Variants in CENPW observed in about 807,000 individuals in gnomAD.
CENPW encodes the protein cancer-up-regulated gene 2 protein.
A neutral mutation model predicts 11.1 loss-of-function variants in CENPW; 3 were observed. That is an observed-to-expected ratio of 0.27 (90% CI 0.12 to 0.70). The LOEUF is 0.70. Among genes scored for constraint, CENPW ranks in the 30% least tolerant of loss-of-function variants. The pLI is 0.77. For synonymous variants in CENPW, 38 were observed against 42.0 expected (o/e 0.91, Z 0.37); for missense variants, 100 against 105.6 (o/e 0.95, Z 0.23).
chr6:126,344,112 A>G (rs973530061), intron 1 of CENPW, among the ~76,000 whole-genome samples: 7 of 152,208 alleles, frequency 4.6e-5, no homozygotes, highest in Non-Finnish European at 7.3e-5. Flanking sequence ...TGTATTAAGC[A>G]ATGTGTTAAG....
the CENPW span, among the ~76,000 whole-genome samples, chr6:126,418,725 G>A: frequency 6.6e-6 from 1 of 151,780 alleles, no homozygotes; most frequent in African/African-American, 2.4e-5. Context: ...ATCAACTCTG[G>A]GGTTAATATT....
At chr6:126,450,455 G>A in the CENPW span, among the ~76,000 whole-genome samples, 1 of 151,086 alleles carries the variant, frequency 6.6e-6, no homozygotes, top group Non-Finnish European at 1.5e-5. Context: ...ATATTCTGAT[G>A]TCATACAACC....
At chr6:126,408,667 G>C in the CENPW span, among the ~76,000 whole-genome samples, 1 of 152,056 alleles carries the variant, frequency 6.6e-6, no homozygotes, top group African/African-American at 2.4e-5. Flanking sequence ...TATTCTTATT[G>C]ATCTGTTCAG....
chr6:126,468,721 A>G, the CENPW span, among the ~76,000 whole-genome samples: 2 of 152,204 alleles, frequency 1.3e-5, no homozygotes, highest in African/African-American at 4.8e-5. Flanking sequence ...TATTTTAAAA[A>G]TACAGTTAGA....
the CENPW span, among the ~76,000 whole-genome samples, chr6:126,467,507 G>C: frequency 6.6e-6 from 1 of 152,086 alleles, no homozygotes. Flanking sequence ...ATGTCAAAGG[G>C]AAACAAGAGC....
chr6:126,436,938 T>C, the CENPW span, among the ~76,000 whole-genome samples: 161 of 151,976 alleles, frequency 1.1e-3, 1 homozygote, highest in East Asian at 0.03. Flanking sequence ...ATAGTTTACG[T>C]TGGAGAGTTA....
the CENPW span, among the ~76,000 whole-genome samples, chr6:126,366,038 A>C: frequency 6.6e-6 from 1 of 152,202 alleles, no homozygotes; most frequent in African/African-American, 2.4e-5. Flanking sequence ...TACTAGCATT[A>C]AAGTTTAAGG....
the CENPW span, among the ~76,000 whole-genome samples, chr6:126,425,179 T>C: frequency 6.6e-6 from 1 of 152,078 alleles, no homozygotes; most frequent in African/African-American, 2.4e-5. Context: ...AAAAAAGAAA[T>C]GTTTGGAGAA....
At chr6:126,464,178 C>G in the CENPW span, among the ~76,000 whole-genome samples, 1 of 152,158 alleles carries the variant, frequency 6.6e-6, no homozygotes, top group East Asian at 1.9e-4. Flanking sequence ...GAAAAACAAT[C>G]AGTACAACTC....
chr6:126,469,280 A>G, the CENPW span, among the ~76,000 whole-genome samples: 1 of 152,084 alleles, frequency 6.6e-6, no homozygotes, highest in African/African-American at 2.4e-5. Flanking sequence ...CTGAAAGTTT[A>G]AAAGTGTCAG....
the CENPW span, among the ~76,000 whole-genome samples, chr6:126,460,011 G>A: frequency 2.7e-5 from 4 of 150,050 alleles, no homozygotes; most frequent in Non-Finnish European, 5.9e-5. Flanking sequence ...GGGTAATTTT[G>A]TGTTTTTAAT....
the CENPW span, among the ~76,000 whole-genome samples, chr6:126,392,337 A>G: frequency 1.3e-5 from 2 of 151,834 alleles, no homozygotes; most frequent in Non-Finnish European, 3.0e-5. Context: ...GGCATAAAAA[A>G]TACCACTGAT....
At chr6:126,464,046 T>C in the CENPW span, among the ~76,000 whole-genome samples, 2 of 152,104 alleles carry the variant, frequency 1.3e-5, no homozygotes, top group Non-Finnish European at 2.9e-5. Flanking sequence ...TGAACATATA[T>C]GTTATTGTTA....
chr6:126,440,308 A>G, the CENPW span, among the ~76,000 whole-genome samples: 1 of 151,632 alleles, frequency 6.6e-6, no homozygotes, highest in Non-Finnish European at 1.5e-5. Context: ...AGCAATGAAC[A>G]CTGAACTAAA....
At chr6:126,441,323 G>A in the CENPW span, among the ~76,000 whole-genome samples, 1 of 151,324 alleles carries the variant, frequency 6.6e-6, no homozygotes, top group Non-Finnish European at 1.5e-5. Flanking sequence ...TTCCTTGGAT[G>A]CTCTGTTCCT....
the CENPW span, among the ~76,000 whole-genome samples, chr6:126,407,882 G>A: frequency 6.6e-6 from 1 of 152,148 alleles, no homozygotes; most frequent in Non-Finnish European, 1.5e-5. Flanking sequence ...TCTGTAGGTT[G>A]TCTGTCCACT....
the CENPW span, among the ~76,000 whole-genome samples, chr6:126,360,046 T>C: frequency 2.6e-5 from 4 of 152,194 alleles, no homozygotes; most frequent in Non-Finnish European, 4.4e-5. Context: ...TTAAGTTTGA[T>C]TTTGTGGTAG....
the CENPW span, among the ~76,000 whole-genome samples, chr6:126,441,697 A>G: frequency 6.6e-6 from 1 of 151,574 alleles, no homozygotes; most frequent in African/African-American, 2.4e-5. Flanking sequence ...GAGTGAGAAT[A>G]TACAATGTGT....
the CENPW span, among the ~76,000 whole-genome samples, chr6:126,429,780 G>A: frequency 1.3e-5 from 2 of 152,036 alleles, no homozygotes; most frequent in Non-Finnish European, 2.9e-5. Flanking sequence ...TTTCCTTATA[G>A]GTGTATTATG....
Sources: gnomAD v4.1 joint callset for allele counts (sites outside exome capture counted in the v4.1 genomes callset) on GRCh38, gnomAD v4.1.1 for gene constraint, MANE v1.5 for transcripts, NCBI Gene and HGNC (gene_info 2026-07-23, HGNC 2026-07-21) for gene names.